Variants in DCHS2 observed in about 807,000 individuals in gnomAD.
The protein encoded by DCHS2 is dachsous cadherin-related 2.
DCHS2 carries 142 observed loss-of-function variants against 182.4 expected under a neutral mutation model. The observed-to-expected ratio is 0.78, with a 90% CI of 0.68 to 0.89. The LOEUF is 0.89. DCHS2 is among the 40% of genes least tolerant of loss of function. DCHS2 has a pLI of 0.00. For synonymous variants in DCHS2, 1,740 were observed against 1,663.3 expected (o/e 1.05, Z -1.12); for missense variants, 4,319 against 4,198.6 (o/e 1.03, Z -0.79).
At chr4:154,313,828 A>G (rs1250662339) in intron 10 of DCHS2, among the ~76,000 whole-genome samples, 3 of 152,220 alleles carry the variant, frequency 2.0e-5, no homozygotes, top group Non-Finnish European at 4.4e-5. Context: ...TATTTCAATC[A>G]TCCATTAATT....
chr4:154,378,713 C>A (rs965458941), intron 1 of DCHS2, among the ~76,000 whole-genome samples: 7 of 152,090 alleles, frequency 4.6e-5, no homozygotes, highest in Non-Finnish European at 1.0e-4. Flanking sequence ...GGTCACATAA[C>A]GAATAAGTGT....
chr4:154,343,295 T>C (rs749823420), intron 3 of DCHS2, among the ~76,000 whole-genome samples: 13 of 152,230 alleles, frequency 8.5e-5, no homozygotes, highest in South Asian at 2.1e-4. Context: ...TTAGCATTGT[T>C]CCACTTAAAG....
intron 7 of DCHS2, among the ~76,000 whole-genome samples, chr4:154,326,717 AGT>A (rs1428645238): frequency 2.0e-5 from 3 of 152,120 alleles, no homozygotes; most frequent in Non-Finnish European, 4.4e-5. Context: ...GTACGTGTAA[AGT>A]GTGACCCCTA....
intron 6 of DCHS2, 34 bp from the exon 7 acceptor site, chr4:154,328,226 A>G: frequency 6.5e-7 from 1 of 1,533,668 alleles, no homozygotes; most frequent in Non-Finnish European, 8.9e-7. Context: ...CAAATGAGTC[A>G]GCAAAAGTTT....
intron 1 of DCHS2, among the ~76,000 whole-genome samples, chr4:154,387,605 T>A (rs1731480284): frequency 6.6e-6 from 1 of 152,122 alleles, no homozygotes; most frequent in Admixed American, 6.5e-5. Context: ...AAGAAATATT[T>A]GGCTGATCCT....
At chr4:154,416,592 A>G (rs1732841568) in intron 1 of DCHS2, among the ~76,000 whole-genome samples, 1 of 152,058 alleles carries the variant, frequency 6.6e-6, no homozygotes, top group African/African-American at 2.4e-5. Context: ...ACATCTCAAG[A>G]CTTGAGACTT....
chr4:154,390,103 A>T (rs4696559), intron 1 of DCHS2, among the ~76,000 whole-genome samples: 82,382 of 143,970 alleles, frequency 0.57, 22,916 homozygotes, highest in South Asian at 0.66. Flanking sequence ...ATTTTTTTAA[A>T]TTTTTTTATT....
chr4:154,305,090 C>G lies in DCHS2; in HGVS notation c.5395+7G>C, dbSNP rs200447457. On this transcript the variant is annotated splice_region_variant and intron_variant, in intron 11 of 19. Coordinates refer to ENST00000357232, the MANE Select transcript of DCHS2 (RefSeq NM_001358235.2). ...TTATTTTTTAGCCTACTCAAAGAAT[C>G]CCTTACCTCGAAGGGTGAAGACTTC... 74 of 1,599,516 alleles carry G rather than the reference C, an allele frequency of 4.6e-5. No individual in the cohort carries two copies. In the African/African-American group the frequency reaches 9.7e-4, roughly 21 times the overall value.
At chr4:154,335,212 G>A in intron 3 of DCHS2, 108 bp from the exon 4 acceptor site, 1 of 774,334 alleles carries the variant, frequency 1.3e-6, no homozygotes, top group South Asian at 1.6e-5. Context: ...TATTTTATGT[G>A]TTAACTGGGC....
intron 1 of DCHS2, among the ~76,000 whole-genome samples, chr4:154,482,190 C>T (rs573786665): frequency 7.2e-5 from 11 of 152,308 alleles, no homozygotes; most frequent in African/African-American, 2.6e-4. Context: ...ACACTTTTGC[C>T]TGTTCAATAG....
At chr4:154,333,920 C>G (rs1728641484) in intron 4 of DCHS2, 1 of 168,906 alleles carries the variant, frequency 5.9e-6, no homozygotes, top group Non-Finnish European at 1.3e-5. Flanking sequence ...TATTCTCCAT[C>G]TACAGAGACT....
chr4:154,375,263 A>C (rs1389988463), intron 2 of DCHS2, among the ~76,000 whole-genome samples: 1 of 152,140 alleles, frequency 6.6e-6, no homozygotes, highest in African/African-American at 2.4e-5. Context: ...TAAGATAAGC[A>C]AATATTTCTT....
At chr4:154,386,611 C>T (rs149206671) in intron 1 of DCHS2, among the ~76,000 whole-genome samples, 58 of 152,132 alleles carry the variant, frequency 3.8e-4, no homozygotes, top group African/African-American at 1.3e-3. Flanking sequence ...ATTTAAGCTT[C>T]GGGACAACCA....
At chr4:154,371,658 A>C (rs964367721) in intron 2 of DCHS2, among the ~76,000 whole-genome samples, 1 of 152,186 alleles carries the variant, frequency 6.6e-6, no homozygotes, top group African/African-American at 2.4e-5. Context: ...GTGAACAGGA[A>C]GCATAGCAGC....
At chr4:154,255,789 C>A (rs758247014) in intron 15 of DCHS2, 119 bp from the exon 16 acceptor site, 3 of 1,363,184 alleles carry the variant, frequency 2.2e-6, no homozygotes, top group South Asian at 1.9e-5. Flanking sequence ...TTAAAAACAA[C>A]GATGAAATGA....
At chr4:154,396,166 T>A (rs183335430) in intron 1 of DCHS2, among the ~76,000 whole-genome samples, 1 of 152,234 alleles carries the variant, frequency 6.6e-6, no homozygotes, top group East Asian at 1.9e-4. Context: ...AAGTCTTATG[T>A]CTTCCTTGTT....
chr4:154,367,949 G>C (rs1320121860), intron 2 of DCHS2, among the ~76,000 whole-genome samples: 1 of 152,064 alleles, frequency 6.6e-6, no homozygotes, highest in Non-Finnish European at 1.5e-5. Context: ...GAGGTCCCTT[G>C]TACTCCAGGC....
At chr4:154,339,898 C>T (rs1405841905) in intron 3 of DCHS2, among the ~76,000 whole-genome samples, 1 of 152,074 alleles carries the variant, frequency 6.6e-6, no homozygotes, top group Non-Finnish European at 1.5e-5. Context: ...ACTATGCATA[C>T]TGAAAAATAT....
chr4:154,332,906 G>A lies in DCHS2; in HGVS notation c.3302C>T (p.Thr1101Ile). 6.2e-7 allele frequency: 1 copy of A among 1,614,232 alleles called. No individual in the cohort carries two copies. The highest frequency in any genetic ancestry group is 8.5e-7 in the Non-Finnish European group (1 of 1,180,042). Reference sequence around the variant, plus strand: ...GTGCGCCTGTGTTTGCAGCATTTGTGTCATCGGTGAGAGAGACTCACTGAC... The same window carrying A: ...GTGCGCCTGTGTTTGCAGCATTTGTATCATCGGTGAGAGAGACTCACTGAC... ...VEVSESLSPM[T>I]QMLQTQAHPL... Residue 1101 changes from threonine to isoleucine, a missense_variant, in exon 5 of 20, where the codon ACA becomes ATA. By Grantham distance (89) the Thr-to-Ile change is moderately conservative (BLOSUM62 -1). Transcript: ENST00000357232.
Sources: gnomAD v4.1 joint callset for allele counts (sites outside exome capture counted in the v4.1 genomes callset) on GRCh38, gnomAD v4.1.1 for gene constraint, MANE v1.5 for transcripts, NCBI Gene and HGNC (gene_info 2026-07-23, HGNC 2026-07-21) for gene names.